The following DENND2A variants were observed in gnomAD, a reference collection of about 807,000 sequenced individuals.
The protein encoded by DENND2A is DENN domain-containing protein 2A.
A neutral mutation model predicts 105.3 loss-of-function variants in DENND2A; 53 were observed. That is an observed-to-expected ratio of 0.50 (90% CI 0.40 to 0.63). The LOEUF (loss-of-function observed/expected upper bound fraction) is 0.63. Ranked by LOEUF, DENND2A falls within the 30% of genes least tolerant of loss-of-function variation. The pLI is 0.00. For synonymous variants in DENND2A, 522 were observed against 508.4 expected (o/e 1.03, Z -0.36); for missense variants, 1,138 against 1,279.6 (o/e 0.89, Z 1.69).
chr7:140,603,968 A>G (rs1264614799), intron 2 of DENND2A, among the ~76,000 whole-genome samples: 1 of 152,246 alleles, frequency 6.6e-6, no homozygotes, highest in African/African-American at 2.4e-5. Flanking sequence ...TGAAGATATT[A>G]GAAATTATTT....
intron 2 of DENND2A, among the ~76,000 whole-genome samples, chr7:140,602,897 T>C (rs565459316): frequency 6.6e-6 from 1 of 152,306 alleles, no homozygotes; most frequent in South Asian, 2.1e-4. Flanking sequence ...AGGAGTCAGA[T>C]AGGCTTGGGT....
chr7:140,641,186 C>T (rs1801193336), upstream of DENND2A, among the ~76,000 whole-genome samples: 1 of 151,380 alleles, frequency 6.6e-6, no homozygotes, highest in East Asian at 2.0e-4. Flanking sequence ...GGGCCGGGGG[C>T]ACCTCGGGCA....
chr7:140,585,663 G>T lies in DENND2A; in HGVS notation c.1171C>A (p.Arg391Ser), dbSNP rs762173823. 6.2e-7 allele frequency: 1 copy of T among 1,614,174 alleles called. No individual in the cohort carries two copies. The highest frequency in any genetic ancestry group is 1.1e-5 in the South Asian group (1 of 91,074). Residue 391 changes from arginine to serine, a missense_variant, in exon 5 of 20, where the codon CGC becomes AGC. Arg to Ser is a moderately radical substitution (Grantham distance 110). Around this residue, in one of 2 missense-constraint regions of DENND2A, gnomAD observed 511 missense variants for 499.9 expected, o/e 1.02. Coordinates refer to ENST00000496613, the MANE Select transcript of DENND2A (RefSeq NM_015689.5). ...AAGACACACTTCTTTCCCAGGCAGC[G>T]ACCATGTAACTCGATGTCCTCATAA... is the stretch of plus-strand genomic sequence containing the variant. Reference protein sequence around the residue: ...NPYEDIELHGRCLGKKCVLNF... With the variant: ...NPYEDIELHGSCLGKKCVLNF...
chr7:140,624,127 CT>C lies in DENND2A; in HGVS notation c.-248+16376del, dbSNP rs1800410390. On this transcript the variant is annotated intron_variant, in intron 1 of 19. Transcript: ENST00000496613. Reference sequence around the variant, plus strand: ...GATGATCGAATCCTTTTCCCATCCCCTGGTCTATTTATAGAGTCATCTGCCT... The same window carrying C: ...GATGATCGAATCCTTTTCCCATCCCCGGTCTATTTATAGAGTCATCTGCCT... 2.6e-5 allele frequency among the ~76,000 whole-genome samples: 4 copies of C among 152,316 alleles called. No homozygotes were observed. The South Asian group carries it at 8.3e-4, about 32-fold the overall frequency.
At chr7:140,588,714 G>A (rs983682331) in intron 3 of DENND2A, among the ~76,000 whole-genome samples, 8 of 149,298 alleles carry the variant, frequency 5.4e-5, no homozygotes, top group African/African-American at 1.7e-4. Flanking sequence ...ATTACAGGTG[G>A]GAGCCACCGT....
At chr7:140,573,133 G>A (rs1798163435) in intron 6 of DENND2A, among the ~76,000 whole-genome samples, 1 of 152,042 alleles carries the variant, frequency 6.6e-6, no homozygotes, top group South Asian at 2.1e-4. Flanking sequence ...TTCTTTTGAG[G>A]GCTCCCACGT....
At chr7:140,573,679 C>T in intron 6 of DENND2A, 129 bp downstream of exon 6, 3 of 1,088,032 alleles carry the variant, frequency 2.8e-6, no homozygotes, top group Non-Finnish European at 4.0e-6. Flanking sequence ...TCACTGTGTC[C>T]CCCTGGCCTG....
chr7:140,555,586 G>C (rs750924984), intron 12 of DENND2A, 50 bp downstream of exon 12: 1 of 1,559,578 alleles, frequency 6.4e-7, no homozygotes, highest in African/African-American at 1.4e-5. Context: ...GAGCCCTCTA[G>C]AGCCCTCCCG....
chr7:140,570,576 G>A (rs888117725), intron 6 of DENND2A, among the ~76,000 whole-genome samples: 4 of 152,174 alleles, frequency 2.6e-5, no homozygotes, highest in African/African-American at 4.8e-5. Flanking sequence ...GCACCCGAGC[G>A]TGCAGCCCCA....
chr7:140,629,896 C>T (rs1800673913), intron 1 of DENND2A, among the ~76,000 whole-genome samples: 1 of 144,302 alleles, frequency 6.9e-6, no homozygotes, highest in South Asian at 2.2e-4. Flanking sequence ...CTCATTCTGT[C>T]GCCCAGGCTG....
At chr7:140,607,866 TG>T (rs1359259054) in intron 1 of DENND2A, among the ~76,000 whole-genome samples, 3 of 152,174 alleles carry the variant, frequency 2.0e-5, no homozygotes, top group African/African-American at 7.2e-5. Context: ...CCCCTTTCAC[TG>T]GCACTAGGAC....
chr7:140,558,028 C>A, intron 11 of DENND2A, 115 bp downstream of exon 11: 1 of 781,840 alleles, frequency 1.3e-6, no homozygotes. Context: ...TCCTTCTCCT[C>A]CTGTGCCTCA....
At chr7:140,621,367 T>C (rs1166094252) in intron 1 of DENND2A, among the ~76,000 whole-genome samples, 2 of 151,442 alleles carry the variant, frequency 1.3e-5, no homozygotes, top group African/African-American at 2.4e-5. Flanking sequence ...ATTTCTAGAT[T>C]ACTTATAATA....
intron 1 of DENND2A, among the ~76,000 whole-genome samples, chr7:140,628,513 C>T (rs1800612735): frequency 6.6e-6 from 1 of 151,530 alleles, no homozygotes; most frequent in Non-Finnish European, 1.5e-5. Context: ...TACGGGAAAT[C>T]CCCTTTGGCC....
chr7:140,552,302 C>T (rs1186513385), intron 12 of DENND2A, among the ~76,000 whole-genome samples: 1 of 152,036 alleles, frequency 6.6e-6, no homozygotes, highest in Admixed American at 6.6e-5. Context: ...TTCTTTTTCT[C>T]TCTTTTTCCC....
chr7:140,630,390 C>G (rs917199282), intron 1 of DENND2A, among the ~76,000 whole-genome samples: 24 of 152,200 alleles, frequency 1.6e-4, no homozygotes, highest in African/African-American at 5.8e-4. Flanking sequence ...AACACGCGCA[C>G]TGGCTTCTTT....
At position 140,559,796 on chromosome 7, in the gene DENND2A, T is replaced by C; in HGVS notation, c.1801A>G (p.Met601Val). The C allele has an allele frequency of 6.2e-7, 1 of 1,613,996 alleles. No individual in the cohort carries two copies. Among genetic ancestry groups the C allele is most frequent in the East Asian group, 2.2e-5 (1 of 44,878 alleles). ...TTCAGTTGGTCCTCAGCTTCTCTCATGAACTTGAAAGACCTTTCCAACTGC... is the reference window on the plus strand; with the variant it reads ...TTCAGTTGGTCCTCAGCTTCTCTCACGAACTTGAAAGACCTTTCCAACTGC... ...PLKLERSFKF[M>V]REAEDQLKAI... Residue 601 changes from methionine to valine, a missense_variant, in exon 10 of 20, where the codon ATG becomes GTG. Coordinates refer to ENST00000496613, the MANE Select transcript of DENND2A (RefSeq NM_015689.5). The surrounding 1 kb of genome is among the most constrained non-coding windows in gnomAD (Gnocchi z 4.1).
In DENND2A at chr7:140,602,413, G is replaced by C; in HGVS notation, c.-16C>G. 1 of 1,530,292 alleles carries C rather than the reference G, an allele frequency of 6.5e-7. No individual in the cohort carries two copies. The highest frequency in any genetic ancestry group is 8.7e-7 in the Non-Finnish European group (1 of 1,143,192). 94.8% of individuals were successfully genotyped at this position (1,530,292 alleles called of 1,614,324 possible). A position where few individuals can be genotyped will look rare whatever the true frequency, so the allele number is the denominator to read the frequency against. On this transcript the variant is annotated 5_prime_UTR_variant, in exon 3 of 20. Transcript: ENST00000496613. ...ACATATCCATTCTTGACTCTAGCGT[G>C]AGGTTGTGGAGGCCTTCCAGGGGAC...
chr7:140,527,422 C>G lies in DENND2A; in HGVS notation c.2401G>C (p.Val801Leu), dbSNP rs909941466. Residue 801 changes from valine to leucine, a missense_variant, in exon 15 of 20, where the codon GTG (valine) becomes CTG (leucine). Coordinates refer to ENST00000496613, the MANE Select transcript of DENND2A (RefSeq NM_015689.5). This position sits in a 1 kb window ranked among gnomAD's most constrained non-coding sequence, Gnocchi z 4.9. ...PFAWQHTYIP[V>L]LPPAMVDIVC... is the part of the protein sequence containing the mutation. ...ATGTCGACCATGGCGGGTGGCAGCACCGGGATGTAGGTGTGCTGCCAGGCG... is the reference window on the plus strand; with the variant it reads ...ATGTCGACCATGGCGGGTGGCAGCAGCGGGATGTAGGTGTGCTGCCAGGCG... 3 of 1,599,756 alleles carry G rather than the reference C, an allele frequency of 1.9e-6. No individual in the cohort carries two copies.
Sources: allele counts gnomAD v4.1 joint callset (sites outside exome capture counted in the v4.1 genomes callset), GRCh38; gene constraint gnomAD v4.1.1; regional missense constraint gnomAD v4.1.1; non-coding constraint Gnocchi (gnomAD v3.1); transcripts MANE v1.5; gene names NCBI Gene and HGNC (gene_info 2026-07-23, HGNC 2026-07-21).